Variants in NXPE3 observed in about 807,000 individuals in gnomAD.
The protein encoded by NXPE3 is NXPE family member 3.
NXPE3 carries 26 observed loss-of-function variants against 46.1 expected under a neutral mutation model. That is an observed-to-expected ratio of 0.56 (90% CI 0.41 to 0.78). NXPE3 has a LOEUF of 0.78. Among genes scored for constraint, NXPE3 ranks in the 30% least tolerant of loss-of-function variants. The pLI, the probability that NXPE3 is intolerant of heterozygous loss-of-function variation, is 0.00. For missense variants in NXPE3, 620 were observed against 686.0 expected (o/e 0.90, Z 1.07); for synonymous variants, 272 against 257.9 (o/e 1.05, Z -0.52).
At chr3:101,795,515 TAA>T (rs568595009) in intron 4 of NXPE3, among the ~76,000 whole-genome samples, 18 of 129,482 alleles carry the variant, frequency 1.4e-4, no homozygotes, top group Non-Finnish European at 1.1e-4. Context: ...GAGACTTATC[TAA>T]AAAAAAAAAA....
chr3:101,818,872 T>A (rs1412043612), intron 7 of NXPE3, among the ~76,000 whole-genome samples: 1 of 148,824 alleles, frequency 6.7e-6, no homozygotes, highest in Admixed American at 6.7e-5. Context: ...TTCATGTGAT[T>A]CTCCTGCCTC....
At chr3:101,798,000 A>G (rs1940932268) in intron 4 of NXPE3, among the ~76,000 whole-genome samples, 1 of 117,620 alleles carries the variant, frequency 8.5e-6, no homozygotes, top group East Asian at 2.3e-4. Flanking sequence ...GAATCGCCAC[A>G]CTGACTTCCA....
intron 4 of NXPE3, among the ~76,000 whole-genome samples, chr3:101,797,539 GC>G (rs1386296122): frequency 9.4e-5 from 11 of 117,426 alleles, no homozygotes; most frequent in Non-Finnish European, 1.7e-4. Flanking sequence ...GTGTCATCTA[GC>G]ATTAGGTATA....
rs1435983547 is a variant in NXPE3 at position 101,822,509 on chromosome 3, G to A, written c.*555G>A. On this transcript the variant is annotated 3_prime_UTR_variant, in exon 8 of 8. Coordinates refer to ENST00000273347, the MANE Select transcript of NXPE3 (RefSeq NM_145037.4). ...TTCTGAATTACTTGAAAAGGCCAATGTGCTTGGTTCGAGTTTTTTAGTGAA... is the reference window on the plus strand; with the variant it reads ...TTCTGAATTACTTGAAAAGGCCAATATGCTTGGTTCGAGTTTTTTAGTGAA... 1 of 152,354 alleles carries A rather than the reference G, an allele frequency of 6.6e-6. No individual in the cohort carries two copies. Among genetic ancestry groups the A allele is most frequent in the Non-Finnish European group, 1.5e-5 (1 of 68,164 alleles). The allele number at this position is 152,354 out of a possible 1,614,324, so 9.4% of individuals were successfully genotyped here.
chr3:101,803,842 AC>A (rs1941283841), intron 5 of NXPE3, among the ~76,000 whole-genome samples: 2 of 151,798 alleles, frequency 1.3e-5, no homozygotes, highest in Admixed American at 1.3e-4. Context: ...CTGGTCTTGA[AC>A]CCCTGGGCTC....
In NXPE3 at chr3:101,801,594, C is replaced by T; in HGVS notation, c.453C>T (p.Leu151=). The part of the protein sequence containing the change: ...GDYLQARIHS[L]KLQAGAVGRV... ...ACCTGCAGGCCAGAATTCACTCCCTCAAGCTGCAGGCTGGGGCTGTGGGCA... is the reference window on the plus strand; with the variant it reads ...ACCTGCAGGCCAGAATTCACTCCCTTAAGCTGCAGGCTGGGGCTGTGGGCA... Residue 151 remains leucine, a synonymous_variant, in exon 5 of 8, where the codon CTC becomes CTT. Transcript: ENST00000273347. 2 of 1,614,230 alleles carry T rather than the reference C, an allele frequency of 1.2e-6. No individual in the cohort carries two copies. The highest frequency in any genetic ancestry group is 1.1e-5 in the South Asian group (1 of 91,080).
intron 4 of NXPE3, among the ~76,000 whole-genome samples, chr3:101,799,075 C>T (rs1940999369): frequency 1.3e-5 from 2 of 152,098 alleles, no homozygotes; most frequent in South Asian, 4.1e-4. Flanking sequence ...GCTAGGACTA[C>T]AGGCATATGC....
rs1320960596 is a variant in NXPE3, at chr3:101,818,716, TATATATATATATATA to T, written c.1129+1716_1129+1730del. On this transcript the variant is annotated intron_variant, in intron 7 of 7. Coordinates refer to ENST00000273347, the MANE Select transcript of NXPE3 (RefSeq NM_145037.4). ...TAACCCTTAAGAATATATGACAATTTATATATATATATATATATATATATATATATATATATATTT... is the reference window on the plus strand; with the variant it reads ...TAACCCTTAAGAATATATGACAATTTTATATATATATATATATATATATTT... Among the ~76,000 whole-genome samples, 58 of 37,590 alleles carry T rather than the reference TATATATATATATATA, an allele frequency of 1.5e-3. 1 individual carries two copies. Among genetic ancestry groups the T allele is most frequent in the African/African-American group, 7.1e-3 (53 of 7,430 alleles). 24.7% of individuals were successfully genotyped at this position (37,590 alleles called of 152,430 possible).
intron 6 of NXPE3, among the ~76,000 whole-genome samples, chr3:101,808,854 T>TACATATATACATATATATATAC (rs1553803067): frequency 2.0e-5 from 2 of 100,348 alleles, no homozygotes; most frequent in East Asian, 2.8e-4. Context: ...TATATATATA[T>TACATATATACATATATATATAC]ATGAGACATT....
chr3:101,801,265 T>G lies in NXPE3; in HGVS notation c.124T>G (p.Phe42Val), dbSNP rs1291438155. 1 of 1,613,346 alleles carries G rather than the reference T, an allele frequency of 6.2e-7. No homozygotes were observed. Among genetic ancestry groups the G allele is most frequent in the South Asian group, 1.1e-5 (1 of 90,946 alleles). ...YLDHETVSAT[F>V]IDSSGQFVSS... ...GGACCATGAGACTGTTTCAGCCACT[T>G]TCATCGACAGCAGTGGACAGTTTGT... Residue 42 changes from phenylalanine to valine, a missense_variant, in exon 5 of 8, where the codon TTC becomes GTC. Phe to Val is a conservative substitution (Grantham distance 50). Coordinates refer to ENST00000273347, the MANE Select transcript of NXPE3 (RefSeq NM_145037.4).
At position 101,824,442 on chromosome 3, in the gene NXPE3, G is replaced by A. The variant is rs1357501528; in HGVS notation, c.*2488G>A. The A allele has an allele frequency of 6.6e-6, 1 of 152,238 alleles. No individual in the cohort carries two copies. Among genetic ancestry groups the A allele is most frequent in the Non-Finnish European group, 1.5e-5 (1 of 68,134 alleles). 9.4% of individuals were successfully genotyped at this position (152,238 alleles called of 1,614,324 possible). A position where few individuals can be genotyped will look rare whatever the true frequency, so the allele number is the denominator to read the frequency against. On this transcript the variant is annotated 3_prime_UTR_variant, in exon 8 of 8. Coordinates refer to ENST00000273347, the MANE Select transcript of NXPE3 (RefSeq NM_145037.4). ...GTGAGACTTTCGTAAAGAAGCGTTT[G>A]TATTTATTTATTTGTTTTTGAGACA...
rs577923784 is a variant in NXPE3 at position 101,826,635 on chromosome 3, T to C, written c.*4681T>C. 1 of 152,240 alleles carries C rather than the reference T, an allele frequency of 6.6e-6. No homozygotes were observed. Among genetic ancestry groups the C allele is most frequent in the East Asian group, 1.9e-4 (1 of 5,186 alleles). The allele number at this position is 152,240 out of a possible 1,614,324, so 9.4% of individuals were successfully genotyped here. On this transcript the variant is annotated 3_prime_UTR_variant, in exon 8 of 8. Transcript: ENST00000273347. ...AGGTGGTGGACGATAAGAGGATGGT[T>C]GAGGGCAGGAGTTTAAAGGACACAG...
intron 7 of NXPE3, 139 bp from the exon 8 acceptor site, chr3:101,821,265 G>A (rs192924063): frequency 6.2e-6 from 4 of 648,162 alleles, no homozygotes; most frequent in Admixed American, 5.8e-5. Context: ...AGTGAAATAG[G>A]TATTCCCTTT....
At chr3:101,795,387 G>C (rs563709834) in intron 4 of NXPE3, among the ~76,000 whole-genome samples, 3 of 151,990 alleles carry the variant, frequency 2.0e-5, no homozygotes, top group African/African-American at 4.8e-5. Context: ...GCGTGGTAGC[G>C]GGTGCCTATA....
In NXPE3 at chr3:101,826,495, G is replaced by A. The variant is rs1304701099; in HGVS notation, c.*4541G>A. 6.6e-6 allele frequency: 1 copy of A among 152,110 alleles called. No homozygotes were observed. The highest frequency in any genetic ancestry group is 6.5e-5 in the Admixed American group (1 of 15,270). 9.4% of individuals were successfully genotyped at this position (152,110 alleles called of 1,614,324 possible). A position where few individuals can be genotyped will look rare whatever the true frequency, so the allele number is the denominator to read the frequency against. On this transcript the variant is annotated 3_prime_UTR_variant, in exon 8 of 8. Coordinates refer to ENST00000273347, the MANE Select transcript of NXPE3 (RefSeq NM_145037.4). ...CTACAATGTAGTATTAGTGTACTTAGGATTCTTGACACCTCAGTGTGCAAT... is the reference window on the plus strand; with the variant it reads ...CTACAATGTAGTATTAGTGTACTTAAGATTCTTGACACCTCAGTGTGCAAT...
chr3:101,821,748 G>A lies in NXPE3; in HGVS notation c.1474G>A (p.Glu492Lys). Residue 492 changes from glutamate to lysine, a missense_variant, in exon 8 of 8, where the codon GAG becomes AAG. This residue lies in a region of NXPE3 where 75 missense variants were observed against 121.1 expected (regional missense o/e 0.62). Coordinates refer to ENST00000273347, the MANE Select transcript of NXPE3 (RefSeq NM_145037.4). ...GGCCAACGCCCAAGAGCTGGGACCT[G>A]AGGTGAGCCTTTTCAACAGCGACTG... ...RTANAQELGPEVSLFNSDWYN... is the reference protein window; with the variant it reads ...RTANAQELGPKVSLFNSDWYN... 1.9e-6 allele frequency: 3 copies of A among 1,614,232 alleles called. No individual in the cohort carries two copies. Among genetic ancestry groups the A allele is most frequent in the Non-Finnish European group, 2.5e-6 (3 of 1,180,030 alleles).
intron 5 of NXPE3, 107 bp from the exon 6 acceptor site, chr3:101,806,946 T>C: frequency 1.3e-6 from 1 of 785,222 alleles, no homozygotes; most frequent in South Asian, 1.5e-5. Flanking sequence ...TATTTCATCA[T>C]AATAAGGCTC....
In NXPE3 at chr3:101,812,811, C is replaced by CAAAAA. The variant is rs57029374; in HGVS notation, c.923-3957_923-3953dup. On this transcript the variant is annotated intron_variant, in intron 6 of 7. Transcript: ENST00000273347. ...TGGGTGACAGAGTGAGACTCCGTCT[C>CAAAAA]AAAAAAAAAAAAAAAAAAAAAAAAA... Among the ~76,000 whole-genome samples the CAAAAA allele has an allele frequency of 5.1e-4, 30 of 58,712 alleles. 2 individuals are homozygous for CAAAAA. The highest frequency in any genetic ancestry group is 0.045 in the Middle Eastern group (2 of 44). 38.5% of individuals were successfully genotyped at this position (58,712 alleles called of 152,430 possible).
chr3:101,814,916 C>T (rs188610487), intron 6 of NXPE3, among the ~76,000 whole-genome samples: 1 of 152,210 alleles, frequency 6.6e-6, no homozygotes, highest in African/African-American at 2.4e-5. Context: ...TTGCTCCTTA[C>T]TAGCTCAGCT....
Sources: gnomAD v4.1 joint callset for allele counts (sites outside exome capture counted in the v4.1 genomes callset) on GRCh38, gnomAD v4.1.1 for gene constraint, gnomAD v4.1.1 regional missense constraint, MANE v1.5 for transcripts, NCBI Gene and HGNC (gene_info 2026-07-23, HGNC 2026-07-21) for gene names.